ULK4: variants seen among roughly 807,000 people sequenced by gnomAD.
The protein encoded by ULK4 is unc-51 like kinase 4.
In ULK4, 133 loss-of-function variants were observed where a neutral mutation model predicts 160.6. That is an observed-to-expected ratio of 0.83 (90% CI 0.72 to 0.96). The LOEUF is 0.96. Among genes scored for constraint, ULK4 ranks in the 40% least tolerant of loss-of-function variants. ULK4 has a pLI of 0.00. For missense variants in ULK4, 1,580 were observed against 1,499.5 expected, an observed-to-expected ratio of 1.05 and a Z score of -0.89; for synonymous variants, 534 against 539.8, an observed-to-expected ratio of 0.99 and a Z score of 0.15.
At chr3:41,863,699 A>T (rs2042556185) in intron 17 of ULK4, among the ~76,000 whole-genome samples, 1 of 151,642 alleles carries the variant, frequency 6.6e-6, no homozygotes. Flanking sequence ...CCCTCAAGGT[A>T]ACAGTTTCCC....
At chr3:41,486,082 G>T (rs1488715718) in intron 32 of ULK4, among the ~76,000 whole-genome samples, 2 of 152,052 alleles carry the variant, frequency 1.3e-5, no homozygotes, top group Non-Finnish European at 2.9e-5. Flanking sequence ...TTCCTTTCCA[G>T]TTTCCTGGAG....
At chr3:41,526,184 C>T (rs1299494744) in intron 32 of ULK4, among the ~76,000 whole-genome samples, 3 of 53,670 alleles carry the variant, frequency 5.6e-5, no homozygotes, top group African/African-American at 1.1e-4. Context: ...ATGTATGATT[C>T]GTCTTCTTTT....
intron 16 of ULK4, among the ~76,000 whole-genome samples, chr3:41,890,368 A>G (rs1448522839): frequency 6.6e-6 from 1 of 152,150 alleles, no homozygotes; most frequent in Non-Finnish European, 1.5e-5. Flanking sequence ...AATCTAAGAA[A>G]TAATATAAAA....
chr3:41,478,485 A>G (rs1248388762), intron 32 of ULK4, among the ~76,000 whole-genome samples: 1 of 152,196 alleles, frequency 6.6e-6, no homozygotes, highest in Non-Finnish European at 1.5e-5. Flanking sequence ...TCCTATGATT[A>G]GCAAAGATTA....
intron 34 of ULK4, among the ~76,000 whole-genome samples, chr3:41,437,780 C>T (rs2083069458): frequency 6.6e-6 from 1 of 152,170 alleles, no homozygotes; most frequent in Non-Finnish European, 1.5e-5. Flanking sequence ...CTAAGGCTTT[C>T]ATTTTCTAAT....
At chr3:41,884,632 T>C (rs915778701) in intron 16 of ULK4, among the ~76,000 whole-genome samples, 1 of 152,234 alleles carries the variant, frequency 6.6e-6, no homozygotes, top group Non-Finnish European at 1.5e-5. Context: ...TAGTGATGTC[T>C]GCATGTTGTC....
chr3:41,506,767 A>AAAAAAAAAAAAAATATATATAAATAT lies in ULK4; in HGVS notation c.3227-43515_3227-43514insATATTTATATATATTTTTTTTTTTTT. On this transcript the variant is annotated intron_variant, in intron 32 of 36. Transcript: ENST00000301831. ...AGCAATACACTGGAGTGTGATTTAA[A>AAAAAAAAAAAAAATATATATAAATAT]ATATATATATATATATATATATATA... Among the ~76,000 whole-genome samples the AAAAAAAAAAAAAATATATATAAATAT allele has an allele frequency of 1.5e-3, 84 of 56,796 alleles. 7 individuals are homozygous for AAAAAAAAAAAAAATATATATAAATAT. The highest frequency in any genetic ancestry group is 2.2e-3 in the Non-Finnish European group (70 of 31,986). The allele number at this position is 56,796 out of a possible 152,430, so 37.3% of individuals were successfully genotyped here.
At chr3:41,851,846 C>G (rs974180947) in intron 17 of ULK4, among the ~76,000 whole-genome samples, 1 of 151,958 alleles carries the variant, frequency 6.6e-6, no homozygotes, top group Non-Finnish European at 1.5e-5. Flanking sequence ...ACTAGAGAAG[C>G]AAGAGCAAAC....
chr3:41,391,551 C>A (rs2081957865), intron 35 of ULK4, among the ~76,000 whole-genome samples: 1 of 151,762 alleles, frequency 6.6e-6, no homozygotes, highest in Admixed American at 6.6e-5. Flanking sequence ...AAGAGTGCCT[C>A]TTCTGATTCT....
At chr3:41,841,289 A>G (rs565527647) in intron 17 of ULK4, among the ~76,000 whole-genome samples, 8 of 102,184 alleles carry the variant, frequency 7.8e-5, no homozygotes, top group African/African-American at 1.1e-4. Flanking sequence ...CCGTCTGGGA[A>G]GTGGGCGCCT....
At chr3:41,541,406 T>C (rs2086690590) in intron 32 of ULK4, among the ~76,000 whole-genome samples, 1 of 152,210 alleles carries the variant, frequency 6.6e-6, no homozygotes, top group Non-Finnish European at 1.5e-5. Flanking sequence ...TTGGTACCAA[T>C]ACCATGCTGT....
chr3:41,362,095 C>G (rs997589838), intron 35 of ULK4, among the ~76,000 whole-genome samples: 1 of 152,122 alleles, frequency 6.6e-6, no homozygotes, highest in Non-Finnish European at 1.5e-5. Flanking sequence ...CAGAAGAGCC[C>G]ACTTTTCAGT....
chr3:41,547,174 A>G (rs562309386), intron 32 of ULK4, among the ~76,000 whole-genome samples: 1 of 152,316 alleles, frequency 6.6e-6, no homozygotes, highest in African/African-American at 2.4e-5. Context: ...AACATCAATA[A>G]ATTTTAAAAA....
chr3:41,409,948 C>CAA (rs36107176), intron 34 of ULK4, among the ~76,000 whole-genome samples: 1 of 143,238 alleles, frequency 7.0e-6, no homozygotes. Flanking sequence ...GACCCGGTCT[C>CAA]AAAAAAAAAA....
intron 35 of ULK4, among the ~76,000 whole-genome samples, chr3:41,370,819 G>A (rs561748237): frequency 6.6e-6 from 1 of 152,350 alleles, no homozygotes; most frequent in East Asian, 1.9e-4. Flanking sequence ...TGAAAAGGGG[G>A]CTGAAGCCAG....
At chr3:41,730,535 C>T (rs773341189) in intron 22 of ULK4, among the ~76,000 whole-genome samples, 11 of 151,916 alleles carry the variant, frequency 7.2e-5, no homozygotes, top group Non-Finnish European at 1.3e-4. Flanking sequence ...TGGACAAATG[C>T]CTGGATACAC....
At chr3:41,910,368 T>C (rs952817821) in intron 11 of ULK4, among the ~76,000 whole-genome samples, 5 of 152,002 alleles carry the variant, frequency 3.3e-5, no homozygotes, top group African/African-American at 4.8e-5. Context: ...GGAGGCCTGG[T>C]GGATCACCTA....
chr3:41,859,824 A>ATTTTTTTTTTTTTTTTTTTT (rs397875093), intron 17 of ULK4, among the ~76,000 whole-genome samples: 1 of 115,906 alleles, frequency 8.6e-6, no homozygotes, highest in Non-Finnish European at 1.7e-5. Context: ...TGCCTGGCTA[A>ATTTTTTTTTTTTTTTTTTTT]TTTTTTTTTT....
chr3:41,818,527 CAA>C (rs2041042011), intron 19 of ULK4, among the ~76,000 whole-genome samples: 1 of 152,118 alleles, frequency 6.6e-6, no homozygotes, highest in Non-Finnish European at 1.5e-5. Context: ...ATATTATTGA[CAA>C]AGTACAATTG....
Sources: gnomAD v4.1 joint callset for allele counts (sites outside exome capture counted in the v4.1 genomes callset) on GRCh38, gnomAD v4.1.1 for gene constraint, MANE v1.5 for transcripts, NCBI Gene and HGNC (gene_info 2026-07-23, HGNC 2026-07-21) for gene names.